The following THRB variants were observed in gnomAD, a reference collection of about 807,000 sequenced individuals.
THRB encodes the protein thyroid hormone receptor beta.
Under a neutral mutation model 47.8 loss-of-function variants are expected in THRB, and 12 were observed. That is an observed-to-expected ratio of 0.25 (90% confidence interval 0.16 to 0.41). The LOEUF (loss-of-function observed/expected upper bound fraction) is 0.41, where lower values mean the gene tolerates loss of function less well. Among genes scored for constraint, THRB ranks in the 10% least tolerant of loss-of-function variants. THRB has a pLI of 1.00. For synonymous variants in THRB, 218 were observed against 212.2 expected (o/e 1.03, Z -0.24); for missense variants, 348 against 589.2 (o/e 0.59, Z 4.24).
chr3:24,133,613 A>T, intron 8 of THRB, 151 bp from the exon 9 acceptor site: 1 of 780,026 alleles, frequency 1.3e-6, no homozygotes, highest in Non-Finnish European at 2.2e-6. Context: ...TACAGTTTAC[A>T]CATCTTTGAG....
chr3:24,121,611 T>C lies in THRB; in HGVS notation c.*1273A>G, dbSNP rs2031703064. 1 of 152,424 alleles carries C rather than the reference T, an allele frequency of 6.6e-6. No homozygotes were observed. The highest frequency in any genetic ancestry group is 2.1e-4 in the South Asian group (1 of 4,824). 9.4% of individuals were successfully genotyped at this position (152,424 alleles called of 1,614,324 possible). A position where few individuals can be genotyped will look rare whatever the true frequency, so the allele number is the denominator to read the frequency against. The stretch of plus-strand genomic sequence containing the variant: ...GCAGGAAAGTTAAGTGTGCACATGG[T>C]CTGCAGGTGTTTTCTATTGAGTATC... On this transcript the variant is annotated 3_prime_UTR_variant, in exon 11 of 11. Coordinates refer to ENST00000646209, the MANE Select transcript of THRB (RefSeq NM_001354712.2).
chr3:24,263,949 A>G (rs2052364238), intron 3 of THRB, among the ~76,000 whole-genome samples: 1 of 152,198 alleles, frequency 6.6e-6, no homozygotes, highest in African/African-American at 2.4e-5. Context: ...AACTGAGGAA[A>G]GATGAAAAAA....
chr3:24,343,131 G>C (rs2062789848), intron 1 of THRB, among the ~76,000 whole-genome samples: 1 of 152,174 alleles, frequency 6.6e-6, no homozygotes, highest in Non-Finnish European at 1.5e-5. Context: ...ATTAGAGAAT[G>C]GCAAACCAGA....
intron 1 of THRB, among the ~76,000 whole-genome samples, chr3:24,377,383 C>T (rs192867039): frequency 1.1e-4 from 17 of 152,216 alleles, no homozygotes; most frequent in Non-Finnish European, 2.2e-4. Context: ...GGGCCAGTGA[C>T]TGTCCTCTTT....
intron 3 of THRB, among the ~76,000 whole-genome samples, chr3:24,273,185 C>T (rs1351221263): frequency 2.6e-5 from 4 of 152,110 alleles, no homozygotes; most frequent in African/African-American, 7.2e-5. Context: ...TATCCAGGAC[C>T]TGCCAACAAT....
chr3:24,490,339 G>A (rs1020473363), intron 1 of THRB, among the ~76,000 whole-genome samples: 1 of 152,194 alleles, frequency 6.6e-6, no homozygotes, highest in African/African-American at 2.4e-5. Flanking sequence ...GCTGTGATCT[G>A]GACATATGAT....
At chr3:24,257,408 T>C (rs1284218639) in intron 3 of THRB, among the ~76,000 whole-genome samples, 1 of 152,158 alleles carries the variant, frequency 6.6e-6, no homozygotes, top group Non-Finnish European at 1.5e-5. Flanking sequence ...ATCTTAATTT[T>C]AGGTTATAGA....
At position 24,259,620 on chromosome 3, in the gene THRB, C is replaced by CTTTTTTTTTTTTTTTTTTTTTTTTT. The variant is rs10671187; in HGVS notation, c.-42-30620_-42-30619insAAAAAAAAAAAAAAAAAAAAAAAAA. ...CAAAGTGGGAATTAGCTCTGCTTAC[C>CTTTTTTTTTTTTTTTTTTTTTTTTT]TTTTTTTTTTTTTTTTTTTTTTTAA... On this transcript the variant is annotated intron_variant, in intron 3 of 10. Coordinates refer to ENST00000646209, the MANE Select transcript of THRB (RefSeq NM_001354712.2). Among the ~76,000 whole-genome samples, 2 of 98,256 alleles carry CTTTTTTTTTTTTTTTTTTTTTTTTT rather than the reference C, an allele frequency of 2.0e-5. 1 individual carries two copies. The highest frequency in any genetic ancestry group is 3.8e-5 in the Non-Finnish European group (2 of 52,646). The allele number at this position is 98,256 out of a possible 152,430, so 64.5% of individuals were successfully genotyped here.
intron 5 of THRB, among the ~76,000 whole-genome samples, chr3:24,189,089 A>G (rs1267381775): frequency 1.3e-5 from 2 of 151,966 alleles, no homozygotes; most frequent in Non-Finnish European, 2.9e-5. Flanking sequence ...GTTCTTTTAT[A>G]TGAAGGATAA....
chr3:24,489,132 TA>T (rs1697753904), intron 1 of THRB, among the ~76,000 whole-genome samples: 1 of 151,916 alleles, frequency 6.6e-6, no homozygotes, highest in African/African-American at 2.4e-5. Context: ...CATGTGCCTG[TA>T]ATTACGGCTA....
At chr3:24,390,885 A>C (rs1314672351) in intron 1 of THRB, among the ~76,000 whole-genome samples, 1 of 151,836 alleles carries the variant, frequency 6.6e-6, no homozygotes, top group African/African-American at 2.4e-5. Flanking sequence ...CATTTTTAGT[A>C]TGAATAACTC....
At chr3:24,421,349 T>C (rs2069241353) in intron 1 of THRB, among the ~76,000 whole-genome samples, 1 of 145,734 alleles carries the variant, frequency 6.9e-6, no homozygotes, top group African/African-American at 2.5e-5. Context: ...GAACCTAAAA[T>C]AAAAGTCACA....
At chr3:24,390,008 T>C (rs1485471550) in intron 1 of THRB, among the ~76,000 whole-genome samples, 3 of 152,088 alleles carry the variant, frequency 2.0e-5, no homozygotes, top group Non-Finnish European at 4.4e-5. Context: ...GACAATCTGC[T>C]AGGAAGGAGG....
chr3:24,342,484 A>G (rs1296673043), intron 1 of THRB, among the ~76,000 whole-genome samples: 2 of 152,174 alleles, frequency 1.3e-5, no homozygotes, highest in African/African-American at 4.8e-5. Context: ...AACTGAAGCC[A>G]CAGAGGAGAC....
intron 3 of THRB, among the ~76,000 whole-genome samples, chr3:24,253,990 C>A (rs917201357): frequency 2.0e-5 from 3 of 148,842 alleles, no homozygotes; most frequent in African/African-American, 7.4e-5. Context: ...AAGCTGTTAT[C>A]ATTTTGAACT....
intron 1 of THRB, among the ~76,000 whole-genome samples, chr3:24,474,162 C>T (rs900699654): frequency 2.6e-5 from 4 of 152,108 alleles, no homozygotes; most frequent in African/African-American, 4.8e-5. Flanking sequence ...ACTAAACCTG[C>T]CAATCAAGAA....
chr3:24,153,396 T>G (rs535421316), intron 5 of THRB, among the ~76,000 whole-genome samples: 1 of 152,344 alleles, frequency 6.6e-6, no homozygotes, highest in Non-Finnish European at 1.5e-5. Flanking sequence ...TTAAGTAGAA[T>G]GAATTTTGCC....
chr3:24,242,463 A>T (rs2049639726), intron 3 of THRB, among the ~76,000 whole-genome samples: 2 of 152,180 alleles, frequency 1.3e-5, no homozygotes, highest in African/African-American at 4.8e-5. Flanking sequence ...CCAGCAGCTC[A>T]GATATGCAAC....
chr3:24,231,134 A>G (rs535150896), intron 3 of THRB, among the ~76,000 whole-genome samples: 4 of 152,198 alleles, frequency 2.6e-5, no homozygotes, highest in Non-Finnish European at 5.9e-5. Context: ...TTTTACAATA[A>G]GCTGGTTTGA....
Sources: allele counts gnomAD v4.1 joint callset (sites outside exome capture counted in the v4.1 genomes callset), GRCh38; gene constraint gnomAD v4.1.1; transcripts MANE v1.5; gene names NCBI Gene and HGNC (gene_info 2026-07-23, HGNC 2026-07-21).